Variants in FRMD4A observed in about 807,000 individuals in gnomAD.
The protein encoded by FRMD4A is FERM domain containing 4A.
A neutral mutation model predicts 129.1 loss-of-function variants in FRMD4A; 29 were observed. The observed-to-expected ratio is 0.22, with a 90% CI of 0.17 to 0.31. The LOEUF (loss-of-function observed/expected upper bound fraction) is 0.31. Ranked by LOEUF, FRMD4A falls within the 10% of genes least tolerant of loss-of-function variation. The pLI is 1.00. For missense variants in FRMD4A, 1,272 were observed against 1,375.8 expected, an observed-to-expected ratio of 0.92 and a Z score of 1.19; for synonymous variants, 634 against 571.6, an observed-to-expected ratio of 1.11 and a Z score of -1.56.
intron 12 of FRMD4A, among the ~76,000 whole-genome samples, chr10:13,727,481 C>T (rs892900190): frequency 6.6e-6 from 1 of 152,126 alleles, no homozygotes; most frequent in Admixed American, 6.5e-5. Flanking sequence ...ACAGTGATGG[C>T]GGTGGCTCCG....
Position 14,073,102 on chromosome 10 carries a change from C to A in FRMD4A, c.46-214190G>T, listed in dbSNP as rs143355272. 1.2e-3 allele frequency among the ~76,000 whole-genome samples: 177 copies of A among 152,328 alleles called. 1 individual carries two copies. Among genetic ancestry groups the A allele is most frequent in the African/African-American group, 3.9e-3 (164 of 41,578 alleles). ...CTACGAGAACCCCTTGTAACCTGCA[C>A]CCTTACCAGCTGTCCAGGAAACCCA... On this transcript the variant is annotated intron_variant, in intron 2 of 24. Transcript: ENST00000357447.
intron 2 of FRMD4A, among the ~76,000 whole-genome samples, chr10:14,037,447 A>G (rs1833553956): frequency 6.6e-6 from 1 of 152,114 alleles, no homozygotes. Flanking sequence ...TGAACTCCTG[A>G]CCTCATGTGA....
At chr10:13,966,722 T>C (rs1438945095) in intron 2 of FRMD4A, among the ~76,000 whole-genome samples, 1 of 152,242 alleles carries the variant, frequency 6.6e-6, no homozygotes, top group Non-Finnish European at 1.5e-5. Context: ...GATCACATTC[T>C]TTCTCGTGAT....
chr10:13,784,084 G>C (rs1056632924), intron 5 of FRMD4A, among the ~76,000 whole-genome samples: 2 of 152,138 alleles, frequency 1.3e-5, no homozygotes, highest in Non-Finnish European at 2.9e-5. Context: ...CAACCCTTAG[G>C]GTGGACTAGG....
intron 2 of FRMD4A, among the ~76,000 whole-genome samples, chr10:14,319,367 T>TCTCTCTCTCACACA (rs112041665): frequency 3.4e-4 from 50 of 145,156 alleles, no homozygotes; most frequent in East Asian, 2.0e-3. Context: ...TCTCTCTCTC[T>TCTCTCTCTCACACA]CACACACACA....
chr10:14,222,971 C>T (rs1188451973), intron 2 of FRMD4A, among the ~76,000 whole-genome samples: 1 of 152,128 alleles, frequency 6.6e-6, no homozygotes, highest in Non-Finnish European at 1.5e-5. Context: ...GCCTATAATC[C>T]CAGCTACTCT....
intron 2 of FRMD4A, among the ~76,000 whole-genome samples, chr10:14,149,999 G>T (rs1290818371): frequency 6.6e-6 from 1 of 152,320 alleles, no homozygotes; most frequent in East Asian, 1.9e-4. Flanking sequence ...ATGGTGGAAG[G>T]TGAAGGGGGA....
At chr10:13,878,300 G>A (rs1368308836) in intron 2 of FRMD4A, among the ~76,000 whole-genome samples, 1 of 146,844 alleles carries the variant, frequency 6.8e-6, no homozygotes, top group Non-Finnish European at 1.5e-5. Context: ...GGAGAGAGAT[G>A]TTTTTGCCTG....
intron 8 of FRMD4A, among the ~76,000 whole-genome samples, chr10:13,748,153 G>A (rs1282650772): frequency 6.6e-6 from 1 of 152,058 alleles, no homozygotes; most frequent in Non-Finnish European, 1.5e-5. Flanking sequence ...GGGAGAAGAA[G>A]TGTCCCCAGG....
intron 2 of FRMD4A, among the ~76,000 whole-genome samples, chr10:14,185,636 G>A (rs772717058): frequency 2.6e-5 from 4 of 152,138 alleles, no homozygotes; most frequent in African/African-American, 7.3e-5. Flanking sequence ...TTCATGGTCA[G>A]AGAGCTGCAG....
At chr10:13,909,697 T>C (rs924597996) in intron 2 of FRMD4A, among the ~76,000 whole-genome samples, 5 of 152,190 alleles carry the variant, frequency 3.3e-5, no homozygotes, top group Non-Finnish European at 7.3e-5. Flanking sequence ...GCAATGCCAT[T>C]TAAAAACTCA....
In FRMD4A at chr10:13,646,966, C is replaced by T; in HGVS notation, c.*72G>A. ...GGGTCCCGGGCTTGGCTTTTTCCTGCCCGTACCACTGGACATCAGCTAGTT... is the reference window on the plus strand; with the variant it reads ...GGGTCCCGGGCTTGGCTTTTTCCTGTCCGTACCACTGGACATCAGCTAGTT... On this transcript the variant is annotated 3_prime_UTR_variant, in exon 25 of 25. Coordinates refer to ENST00000357447, the MANE Select transcript of FRMD4A (RefSeq NM_018027.5). The T allele has an allele frequency of 2.0e-6, 2 of 984,088 alleles. No homozygotes were observed. Among genetic ancestry groups the T allele is most frequent in the Non-Finnish European group, 2.4e-6 (2 of 828,366 alleles). 61.0% of individuals were successfully genotyped at this position (984,088 alleles called of 1,614,324 possible). A position where few individuals can be genotyped will look rare whatever the true frequency, so the allele number is the denominator to read the frequency against.
intron 2 of FRMD4A, among the ~76,000 whole-genome samples, chr10:13,893,407 G>T (rs2094722928): frequency 6.6e-6 from 1 of 152,156 alleles, no homozygotes; most frequent in Admixed American, 6.5e-5. Flanking sequence ...ATCTCCTTGT[G>T]TTCTGAGGTC....
intron 2 of FRMD4A, among the ~76,000 whole-genome samples, chr10:14,280,127 T>C (rs1204627284): frequency 6.6e-6 from 1 of 152,198 alleles, no homozygotes; most frequent in Non-Finnish European, 1.5e-5. Flanking sequence ...ACTGACCATT[T>C]ATTTTTTAGG....
intron 2 of FRMD4A, among the ~76,000 whole-genome samples, chr10:14,265,809 C>T (rs1177884988): frequency 6.6e-6 from 1 of 152,200 alleles, no homozygotes; most frequent in Non-Finnish European, 1.5e-5. Flanking sequence ...GTGACTGCCC[C>T]TGTATGTACT....
At chr10:13,809,616 G>A (rs1253815833) in intron 4 of FRMD4A, among the ~76,000 whole-genome samples, 2 of 152,082 alleles carry the variant, frequency 1.3e-5, no homozygotes, top group African/African-American at 2.4e-5. Context: ...GCCCACCGAC[G>A]GCCACTCCCA....
At chr10:13,719,793 AAAG>A (rs2089246523) in intron 12 of FRMD4A, among the ~76,000 whole-genome samples, 1 of 152,210 alleles carries the variant, frequency 6.6e-6, no homozygotes, top group Admixed American at 6.5e-5. Flanking sequence ...AGAAGAAAGC[AAAG>A]AAGTCTAGAT....
Position 14,198,697 on chromosome 10 carries a change from G to A in FRMD4A, c.45+131361C>T, listed in dbSNP as rs570723131. On this transcript the variant is annotated intron_variant, in intron 2 of 24. Transcript: ENST00000357447. ...CTTTGGGATCTCATTGACATCACAT[G>A]TACTGATTACCTTGAATTTGTCTCT... 5.3e-5 allele frequency among the ~76,000 whole-genome samples: 8 copies of A among 152,258 alleles called. 1 individual carries two copies. The highest frequency in any genetic ancestry group is 1.9e-4 in the African/African-American group (8 of 41,554).
intron 2 of FRMD4A, among the ~76,000 whole-genome samples, chr10:14,318,817 C>T (rs1404379116): frequency 6.6e-6 from 1 of 152,192 alleles, no homozygotes; most frequent in Non-Finnish European, 1.5e-5. Context: ...TCGACATGTC[C>T]TTCATCAAGA....
Sources: gnomAD v4.1 joint callset for allele counts (sites outside exome capture counted in the v4.1 genomes callset) on GRCh38, gnomAD v4.1.1 for gene constraint, MANE v1.5 for transcripts, NCBI Gene and HGNC (gene_info 2026-07-23, HGNC 2026-07-21) for gene names.